The following SNRPD1 variants were observed in gnomAD, a reference collection of about 807,000 sequenced individuals.
SNRPD1 encodes the protein small nuclear ribonucleoprotein Sm D1.
A neutral mutation model predicts 14.4 loss-of-function variants in SNRPD1; 1 was observed. That is an observed-to-expected ratio of 0.07 (90% confidence interval 0.02 to 0.33). The LOEUF (loss-of-function observed/expected upper bound fraction) is 0.33, where lower values mean the gene tolerates loss of function less well. Ranked by LOEUF, SNRPD1 falls within the 10% of genes least tolerant of loss-of-function variation. The probability of loss-of-function intolerance (pLI) is 1.00; values close to 1 mark genes in which losing one functional copy is unlikely to be tolerated. For synonymous variants in SNRPD1, 42 were observed against 50.3 expected (o/e 0.83, Z 0.70); for missense variants, 52 against 146.4 (o/e 0.36, Z 3.33).
In SNRPD1 at chr18:21,629,156, A is replaced by G. The variant is rs751129695; in HGVS notation, c.*18A>G. 1.1e-5 allele frequency: 18 copies of G among 1,568,072 alleles called. No individual in the cohort carries two copies. In the Admixed American group the frequency reaches 2.2e-4, roughly 19 times the overall value. On this transcript the variant is annotated 3_prime_UTR_variant, in exon 4 of 4. Coordinates refer to ENST00000300413, the MANE Select transcript of SNRPD1 (RefSeq NM_006938.4). ...GGCGATAATGTCTCTCAAGATTTCAAAGTCATATGAGATTTGGGATATTTT... is the reference window on the plus strand; with the variant it reads ...GGCGATAATGTCTCTCAAGATTTCAGAGTCATATGAGATTTGGGATATTTT...
intron 1 of SNRPD1, among the ~76,000 whole-genome samples, chr18:21,614,948 C>G (rs2038946524): frequency 6.6e-6 from 1 of 152,170 alleles, no homozygotes; most frequent in South Asian, 2.1e-4. Flanking sequence ...TTATCCCACT[C>G]ATGGATTTTT....
intron 1 of SNRPD1, among the ~76,000 whole-genome samples, chr18:21,618,540 C>T (rs1349356442): frequency 1.3e-5 from 2 of 151,222 alleles, no homozygotes; most frequent in South Asian, 2.1e-4. Flanking sequence ...ATAGTAAATT[C>T]GTGTAAAAGA....
At chr18:21,620,999 TA>T (rs541870871) in intron 1 of SNRPD1, among the ~76,000 whole-genome samples, 32 of 147,718 alleles carry the variant, frequency 2.2e-4, no homozygotes, top group Middle Eastern at 3.5e-3. Flanking sequence ...CCGTCTCTAC[TA>T]AAAAAAAAAT....
chr18:21,622,081 A>AT (rs1183553996), intron 1 of SNRPD1, among the ~76,000 whole-genome samples: 1 of 151,902 alleles, frequency 6.6e-6, no homozygotes, highest in Non-Finnish European at 1.5e-5. Context: ...AGGAAGGGAG[A>AT]TTTTTACTTT....
At chr18:21,617,033 A>G (rs1234556394) in intron 1 of SNRPD1, among the ~76,000 whole-genome samples, 4 of 152,110 alleles carry the variant, frequency 2.6e-5, no homozygotes, top group East Asian at 1.9e-4. Flanking sequence ...ATCTTGGATT[A>G]CTTTTGGAAA....
chr18:21,623,658 T>G (rs1374479566), intron 2 of SNRPD1, 90 bp from the exon 3 acceptor site: 2 of 905,880 alleles, frequency 2.2e-6, no homozygotes, highest in East Asian at 5.0e-5. Flanking sequence ...AGTAATCTTT[T>G]GTAGTCCAGT....
At chr18:21,623,028 G>A (rs895932654) in intron 2 of SNRPD1, among the ~76,000 whole-genome samples, 6 of 151,680 alleles carry the variant, frequency 4.0e-5, no homozygotes, top group Non-Finnish European at 5.9e-5. Flanking sequence ...CTGGGGTCAA[G>A]CAATTCTCCT....
intron 1 of SNRPD1, among the ~76,000 whole-genome samples, chr18:21,622,034 G>A (rs2039001689): frequency 6.6e-6 from 1 of 152,180 alleles, no homozygotes; most frequent in African/African-American, 2.4e-5. Flanking sequence ...AAAGTGATCT[G>A]GAATAATATT....
chr18:21,626,454 GTTTCAAGTTTGTCATAGTC>G lies in SNRPD1; in HGVS notation c.283+2517_283+2535del, dbSNP rs1253232739. 1.1e-4 allele frequency among the ~76,000 whole-genome samples: 17 copies of G among 148,888 alleles called. No individual in the cohort carries two copies. In the East Asian group the frequency reaches 3.4e-3, roughly 30 times the overall value. On this transcript the variant is annotated intron_variant, in intron 3 of 3. Transcript: ENST00000300413. ...AATTAAATAATGAAAATGAGTCTTC[GTTTCAAGTTTGTCATAGTC>G]TAGTGTTAGGGAGTTATTTAAAAAT...
intron 2 of SNRPD1, 134 bp from the exon 3 acceptor site, chr18:21,623,610 AAATT>A: frequency 1.5e-6 from 1 of 647,144 alleles, no homozygotes; most frequent in Middle Eastern, 2.7e-4. Flanking sequence ...CACATGTGCT[AAATT>A]GTGTCATAGA....
intron 3 of SNRPD1, among the ~76,000 whole-genome samples, chr18:21,628,797 C>T (rs186892489): frequency 2.8e-4 from 43 of 152,074 alleles, no homozygotes; most frequent in Non-Finnish European, 5.1e-4. Context: ...TTAAATTTGA[C>T]ACATTTCTTA....
chr18:21,612,385 G>A lies in SNRPD1; in HGVS notation c.-45G>A, dbSNP rs1484473176. 7 of 1,512,868 alleles carry A rather than the reference G, an allele frequency of 4.6e-6. No homozygotes were observed. The highest frequency in any genetic ancestry group is 4.2e-5 in the African/African-American group (3 of 71,286). The allele number at this position is 1,512,868 out of a possible 1,614,324, so 93.7% of individuals were successfully genotyped here. A position where few individuals can be genotyped will look rare whatever the true frequency, so the allele number is the denominator to read the frequency against. Reference sequence around the variant, plus strand: ...TGCAGTCGGTCAGTGTTCGGTTGAAGGATTCTGTGTGCTGTCGGACCCAGA... The same window carrying A: ...TGCAGTCGGTCAGTGTTCGGTTGAAAGATTCTGTGTGCTGTCGGACCCAGA... On this transcript the variant is annotated 5_prime_UTR_variant, in exon 1 of 4. Transcript: ENST00000300413.
At chr18:21,616,232 G>A (rs538327627) in intron 1 of SNRPD1, among the ~76,000 whole-genome samples, 9 of 152,246 alleles carry the variant, frequency 5.9e-5, no homozygotes, top group African/African-American at 2.2e-4. Context: ...TGATCCGCCC[G>A]CCTTGGCCTC....
chr18:21,617,887 A>G (rs967051808), intron 1 of SNRPD1, among the ~76,000 whole-genome samples: 1 of 152,168 alleles, frequency 6.6e-6, no homozygotes, highest in African/African-American at 2.4e-5. Context: ...GCTGAGGCAC[A>G]AGAATCTCTT....
At chr18:21,615,003 G>C (rs1245979696) in intron 1 of SNRPD1, among the ~76,000 whole-genome samples, 2 of 152,068 alleles carry the variant, frequency 1.3e-5, no homozygotes, top group African/African-American at 4.8e-5. Context: ...GAAATGCAGT[G>C]TATATTTCCT....
chr18:21,622,823 T>C (rs747476930), intron 2 of SNRPD1, 22 bp downstream of exon 2: 1 of 1,314,442 alleles, frequency 7.6e-7, no homozygotes, highest in Non-Finnish European at 1.1e-6. Flanking sequence ...GGACTGCTTT[T>C]ATAACATTTT....
In SNRPD1 at chr18:21,628,632, T is replaced by C. The variant is rs184047806; in HGVS notation, c.284-430T>C. On this transcript the variant is annotated intron_variant, in intron 3 of 3. Transcript: ENST00000300413. ...TTGATGTAATACATTTAAACTTTCC[T>C]GGTTTTGAATTAACTTGCTTGGATT... 7.5e-4 allele frequency among the ~76,000 whole-genome samples: 114 copies of C among 152,340 alleles called. 1 individual carries two copies. Among genetic ancestry groups the C allele is most frequent in the Non-Finnish European group, 1.2e-3 (83 of 68,030 alleles).
intron 3 of SNRPD1, among the ~76,000 whole-genome samples, chr18:21,625,315 A>ATTTTTT (rs748864232): frequency 7.1e-5 from 7 of 98,260 alleles, no homozygotes; most frequent in Admixed American, 1.1e-4. Flanking sequence ...TGTTGAAAAA[A>ATTTTTT]ATTTTTTTTT....
Position 21,622,716 on chromosome 18 carries a change from T to C in SNRPD1, c.15-9T>C. On this transcript the variant is annotated splice_polypyrimidine_tract_variant and intron_variant, in intron 1 of 3. Coordinates refer to ENST00000300413, the MANE Select transcript of SNRPD1 (RefSeq NM_006938.4). ...TTACAGGTAAAAATGGTTTTATTCCTATTTATAGATTTTTGATGAAATTGA... is the reference window on the plus strand; with the variant it reads ...TTACAGGTAAAAATGGTTTTATTCCCATTTATAGATTTTTGATGAAATTGA... The C allele has an allele frequency of 7.4e-7, 1 of 1,352,424 alleles. No individual in the cohort carries two copies. Among genetic ancestry groups the C allele is most frequent in the Non-Finnish European group, 1.1e-6 (1 of 942,778 alleles). The allele number at this position is 1,352,424 out of a possible 1,614,324, so 83.8% of individuals were successfully genotyped here.
Sources: gnomAD v4.1 joint callset for allele counts (sites outside exome capture counted in the v4.1 genomes callset) on GRCh38, gnomAD v4.1.1 for gene constraint, MANE v1.5 for transcripts, NCBI Gene and HGNC (gene_info 2026-07-23, HGNC 2026-07-21) for gene names.